Variants in PRELID2 observed in about 807,000 individuals in gnomAD.
PRELID2 encodes PRELI domain-containing protein 2.
PRELID2 carries 25 observed loss-of-function variants against 28.4 expected under a neutral mutation model. The observed-to-expected ratio is 0.88, with a 90% CI of 0.64 to 1.23. The LOEUF is 1.23. PRELID2 is among the 50% of genes most tolerant of loss of function. The pLI is 0.00. For missense variants in PRELID2, 201 were observed against 214.4 expected, an observed-to-expected ratio of 0.94 and a Z score of 0.39; for synonymous variants, 76 against 71.6, an observed-to-expected ratio of 1.06 and a Z score of -0.31.
intron 1 of PRELID2, among the ~76,000 whole-genome samples, chr5:145,499,869 T>A (rs1752344698): frequency 6.6e-6 from 1 of 152,220 alleles, no homozygotes; most frequent in African/African-American, 2.4e-5. Context: ...AACAAAGGCT[T>A]TGTGCTGTTA....
intron 3 of PRELID2, among the ~76,000 whole-genome samples, chr5:145,818,558 C>A (rs1754535653): frequency 6.6e-6 from 1 of 152,032 alleles, no homozygotes; most frequent in African/African-American, 2.4e-5. Context: ...AATTGAGACA[C>A]AAGACAAAGT....
At chr5:145,415,167 T>C in the PRELID2 span, among the ~76,000 whole-genome samples, 2 of 152,182 alleles carry the variant, frequency 1.3e-5, no homozygotes, top group Non-Finnish European at 2.9e-5. Context: ...TCAAATTAGA[T>C]TGAAAAATTT....
At chr5:145,587,981 T>G (rs772253427) in intron 1 of PRELID2, among the ~76,000 whole-genome samples, 9 of 152,162 alleles carry the variant, frequency 5.9e-5, no homozygotes, top group Admixed American at 2.0e-4. Context: ...AGAAATTTCT[T>G]AATTGATCAT....
At chr5:145,555,326 C>G (rs1199734377) in intron 1 of PRELID2, among the ~76,000 whole-genome samples, 1 of 152,184 alleles carries the variant, frequency 6.6e-6, no homozygotes. Context: ...AAAAATGTCA[C>G]AGGAGATTCT....
chr5:145,768,845 T>C (rs1248214408), intron 5 of PRELID2, among the ~76,000 whole-genome samples: 1 of 151,752 alleles, frequency 6.6e-6, no homozygotes, highest in Non-Finnish European at 1.5e-5. Flanking sequence ...TTTCCCCCCC[T>C]CTCATACCAC....
intron 1 of PRELID2, among the ~76,000 whole-genome samples, chr5:145,499,919 C>T (rs769530545): frequency 2.6e-5 from 4 of 152,314 alleles, no homozygotes; most frequent in East Asian, 1.9e-4. Context: ...CTGAGCTTTG[C>T]GCACACCTAC....
chr5:145,315,064 CTTTTTTTT>C, the PRELID2 span, among the ~76,000 whole-genome samples: 1 of 100,590 alleles, frequency 9.9e-6, no homozygotes, highest in African/African-American at 3.8e-5. Context: ...TACAATAATT[CTTTTTTTT>C]TTTTTTTTTT....
chr5:145,619,137 T>C (rs930687288), intron 1 of PRELID2, among the ~76,000 whole-genome samples: 1 of 152,192 alleles, frequency 6.6e-6, no homozygotes, highest in African/African-American at 2.4e-5. Flanking sequence ...AAGGCCTTAG[T>C]TCTTCCCCCA....
At chr5:145,315,545 GGTGTGTGTGTGTGTGTGTGTGTGTGTGT>G in the PRELID2 span, among the ~76,000 whole-genome samples, 1 of 142,908 alleles carries the variant, frequency 7.0e-6, no homozygotes, top group African/African-American at 2.6e-5. Context: ...GCTCTTTCAG[GGTGTGTGTGTGTGTGTGTGTGTGTGTGT>G]GTGTGTGTGT....
At chr5:145,786,866 C>A (rs912748205) in intron 5 of PRELID2, among the ~76,000 whole-genome samples, 2 of 152,146 alleles carry the variant, frequency 1.3e-5, no homozygotes, top group African/African-American at 4.8e-5. Flanking sequence ...AAATAACAAG[C>A]ATACACCCCA....
chr5:145,449,543 G>A, the PRELID2 span, among the ~76,000 whole-genome samples: 32 of 152,202 alleles, frequency 2.1e-4, no homozygotes, highest in African/African-American at 7.5e-4. Flanking sequence ...GTACATAACA[G>A]GGGTACGTGG....
At chr5:145,460,244 T>A in the PRELID2 span, among the ~76,000 whole-genome samples, 4 of 152,206 alleles carry the variant, frequency 2.6e-5, no homozygotes, top group African/African-American at 9.6e-5. Flanking sequence ...TTGGGCCAGT[T>A]ATTTCAATAA....
At chr5:145,650,531 CAT>C (rs56324486) in intron 1 of PRELID2, among the ~76,000 whole-genome samples, 11,024 of 67,708 alleles carry the variant, frequency 0.16, 446 homozygotes, top group Non-Finnish European at 0.19. Context: ...CACATATATA[CAT>C]ATATATATAT....
At chr5:145,259,465 C>G in the PRELID2 span, among the ~76,000 whole-genome samples, 1 of 152,196 alleles carries the variant, frequency 6.6e-6, no homozygotes, top group Non-Finnish European at 1.5e-5. Flanking sequence ...GAAACCCACC[C>G]TTTGCACCAG....
chr5:145,525,712 C>T (rs911451597), intron 1 of PRELID2, among the ~76,000 whole-genome samples: 3 of 152,072 alleles, frequency 2.0e-5, no homozygotes, highest in Admixed American at 6.5e-5. Flanking sequence ...TCTCAATGAT[C>T]GAAGAACAAG....
intron 1 of PRELID2, among the ~76,000 whole-genome samples, chr5:145,608,618 T>A (rs867180895): frequency 6.6e-6 from 1 of 152,234 alleles, no homozygotes; most frequent in Non-Finnish European, 1.5e-5. Flanking sequence ...GCTGTTAGCC[T>A]GATGAGATTC....
chr5:145,434,877 G>T, the PRELID2 span, among the ~76,000 whole-genome samples: 1 of 152,310 alleles, frequency 6.6e-6, no homozygotes, highest in East Asian at 1.9e-4. Flanking sequence ...TTCTGAGCTA[G>T]ATGAGAGGTG....
chr5:145,663,751 G>C (rs1359625402), intron 1 of PRELID2, among the ~76,000 whole-genome samples: 1 of 152,060 alleles, frequency 6.6e-6, no homozygotes, highest in Non-Finnish European at 1.5e-5. Flanking sequence ...GAGACCTTGG[G>C]CCAGTTAACC....
intron 1 of PRELID2, among the ~76,000 whole-genome samples, chr5:145,626,604 A>G (rs1165098229): frequency 2.6e-5 from 4 of 152,144 alleles, no homozygotes; most frequent in Non-Finnish European, 4.4e-5. Flanking sequence ...TCTATGGAAA[A>G]CAGTATGGAG....
Sources: allele counts gnomAD v4.1 joint callset (sites outside exome capture counted in the v4.1 genomes callset), GRCh38; gene constraint gnomAD v4.1.1; transcripts MANE v1.5; gene names NCBI Gene and HGNC (gene_info 2026-07-23, HGNC 2026-07-21).